DENND1B: variants seen among roughly 807,000 people sequenced by gnomAD.
The protein encoded by DENND1B is DENN domain-containing protein 1B.
Under a neutral mutation model 90.1 loss-of-function variants are expected in DENND1B, and 59 were observed. The observed-to-expected ratio is 0.65, with a 90% CI of 0.53 to 0.81. The LOEUF (loss-of-function observed/expected upper bound fraction) is 0.81. Among genes scored for constraint, DENND1B ranks in the 40% least tolerant of loss-of-function variants. The pLI is 0.00. For synonymous variants in DENND1B, 337 were observed against 324.6 expected (o/e 1.04, Z -0.41); for missense variants, 862 against 912.6 (o/e 0.94, Z 0.71).
chr1:197,616,052 T>C (rs1421521686), intron 11 of DENND1B, among the ~76,000 whole-genome samples: 4 of 151,040 alleles, frequency 2.6e-5, no homozygotes, highest in Non-Finnish European at 5.9e-5. Flanking sequence ...GTCTTAAATG[T>C]GTAATTCATT....
chr1:197,695,732 T>C (rs2102120085), intron 3 of DENND1B, among the ~76,000 whole-genome samples: 2 of 151,186 alleles, frequency 1.3e-5, no homozygotes, highest in Middle Eastern at 6.8e-3. Flanking sequence ...AATGACAGAA[T>C]CAAGCCCAAA....
intron 13 of DENND1B, among the ~76,000 whole-genome samples, chr1:197,598,615 C>T (rs1675921870): frequency 6.6e-6 from 1 of 151,772 alleles, no homozygotes; most frequent in African/African-American, 2.4e-5. Flanking sequence ...AAATATATCT[C>T]TTCCCATGAA....
At chr1:197,747,502 C>T (rs1652861244) in intron 2 of DENND1B, 2 of 227,790 alleles carry the variant, frequency 8.8e-6, no homozygotes, top group Admixed American at 1.1e-4. Flanking sequence ...AAGACCCCGT[C>T]AGAAAATGTT....
At chr1:197,514,697 T>G (rs1056836162) in intron 20 of DENND1B, among the ~76,000 whole-genome samples, 1 of 151,602 alleles carries the variant, frequency 6.6e-6, no homozygotes. Context: ...CTTCTGCATA[T>G]GTTTGAAATT....
chr1:197,553,609 AGAC>A (rs1466749837), intron 15 of DENND1B, among the ~76,000 whole-genome samples: 1 of 152,308 alleles, frequency 6.6e-6, no homozygotes, highest in East Asian at 1.9e-4. Flanking sequence ...GTGAGATGTT[AGAC>A]ATTACCTGTT....
intron 5 of DENND1B, among the ~76,000 whole-genome samples, chr1:197,659,118 T>A (rs981028091): frequency 6.6e-6 from 1 of 151,342 alleles, no homozygotes; most frequent in Non-Finnish European, 1.5e-5. Flanking sequence ...AATACACTGT[T>A]GTTAATTATC....
intron 20 of DENND1B, 35 bp from the exon 21 acceptor site, chr1:197,512,988 CA>C (rs1668138778): frequency 6.4e-7 from 1 of 1,567,272 alleles, no homozygotes; most frequent in Admixed American, 1.9e-5. Context: ...TTGGCATTAG[CA>C]GTTTAAAATA....
At chr1:197,664,977 G>C (rs1392757642) in intron 5 of DENND1B, among the ~76,000 whole-genome samples, 2 of 152,026 alleles carry the variant, frequency 1.3e-5, no homozygotes, top group African/African-American at 4.8e-5. Context: ...AGGTTAAAAA[G>C]TTATTTCTTG....
At chr1:197,521,292 T>G (rs1342393816) in intron 20 of DENND1B, among the ~76,000 whole-genome samples, 1 of 151,960 alleles carries the variant, frequency 6.6e-6, no homozygotes, top group Non-Finnish European at 1.5e-5. Flanking sequence ...ACTCCCCTGA[T>G]GCACCAAGGA....
chr1:197,779,380 G>GTA (rs1657375991), upstream of DENND1B, among the ~76,000 whole-genome samples: 1 of 152,070 alleles, frequency 6.6e-6, no homozygotes, highest in Non-Finnish European at 1.5e-5. Context: ...TCACTGTGAA[G>GTA]TATCTAGGTG....
intron 10 of DENND1B, among the ~76,000 whole-genome samples, 183 bp from the exon 11 acceptor site, chr1:197,617,942 T>C (rs1438204090): frequency 3.3e-5 from 5 of 151,118 alleles, no homozygotes; most frequent in African/African-American, 9.7e-5. Context: ...CTGAAACATA[T>C]ATAAACAGCA....
intron 2 of DENND1B, among the ~76,000 whole-genome samples, chr1:197,722,171 A>C (rs1310795804): frequency 1.3e-5 from 2 of 152,034 alleles, no homozygotes; most frequent in Admixed American, 6.6e-5. Context: ...TGCAAAATAT[A>C]GTAATAATAA....
At chr1:197,699,738 A>G (rs1658829221) in intron 3 of DENND1B, among the ~76,000 whole-genome samples, 3 of 152,164 alleles carry the variant, frequency 2.0e-5, no homozygotes, top group African/African-American at 7.2e-5. Context: ...ATCAATGTGC[A>G]AATATCACAA....
At chr1:197,715,365 A>G (rs1660545861) in intron 2 of DENND1B, among the ~76,000 whole-genome samples, 1 of 151,896 alleles carries the variant, frequency 6.6e-6, no homozygotes, top group Admixed American at 6.6e-5. Context: ...TTTTATTGAC[A>G]TACTTTAGAT....
intron 2 of DENND1B, among the ~76,000 whole-genome samples, chr1:197,740,152 A>T (rs1663079419): frequency 6.6e-6 from 1 of 152,166 alleles, no homozygotes. Context: ...ATGAGCAAAA[A>T]CTTGAAAAAG....
intron 16 of DENND1B, among the ~76,000 whole-genome samples, chr1:197,551,991 G>A (rs1261394368): frequency 6.6e-6 from 1 of 152,026 alleles, no homozygotes; most frequent in African/African-American, 2.4e-5. Flanking sequence ...CAACTACTGA[G>A]TTCATTTGTA....
At position 197,508,666 on chromosome 1, in the gene DENND1B, TC is replaced by T. The variant is rs1667840215; in HGVS notation, c.*1793del. 1 of 151,704 alleles carries T rather than the reference TC, an allele frequency of 6.6e-6. No homozygotes were observed. The highest frequency in any genetic ancestry group is 2.1e-4 in the South Asian group (1 of 4,828). 9.4% of individuals were successfully genotyped at this position (151,704 alleles called of 1,614,324 possible). The stretch of plus-strand genomic sequence containing the variant: ...CTTTCAATAAATATTTAGAATATAG[TC>T]TTATTGGGGTTCTTTAATGATTTCT... On this transcript the variant is annotated 3_prime_UTR_variant, in exon 23 of 23. Coordinates refer to ENST00000620048, the MANE Select transcript of DENND1B (RefSeq NM_001195215.2).
At chr1:197,632,179 G>A (rs1005072290) in intron 10 of DENND1B, among the ~76,000 whole-genome samples, 6 of 152,084 alleles carry the variant, frequency 3.9e-5, no homozygotes, top group African/African-American at 1.4e-4. Flanking sequence ...AAGGCCACCA[G>A]TGTTATCTTC....
intron 7 of DENND1B, 87 bp from the exon 8 acceptor site, chr1:197,647,201 C>G: frequency 1.2e-6 from 1 of 834,246 alleles, no homozygotes; most frequent in Non-Finnish European, 1.7e-6. Context: ...GAGACAAACC[C>G]ATGTAGCCAA....
Sources: gnomAD v4.1 joint callset for allele counts (sites outside exome capture counted in the v4.1 genomes callset) on GRCh38, gnomAD v4.1.1 for gene constraint, MANE v1.5 for transcripts, NCBI Gene and HGNC (gene_info 2026-07-23, HGNC 2026-07-21) for gene names.